The following NEXMIF variants were observed in gnomAD, a reference collection of about 807,000 sequenced individuals.
The protein encoded by NEXMIF is neurite extension and migration factor, also known as XLMR protein related to neurite extension.
Under a neutral mutation model 62.1 loss-of-function variants are expected in NEXMIF, and 8 were observed. The ratio of observed to expected loss-of-function variants is 0.13; its 90% CI spans 0.08 to 0.23. The LOEUF (loss-of-function observed/expected upper bound fraction) is 0.23, where lower values mean the gene tolerates loss of function less well. NEXMIF is among the 10% of genes least tolerant of loss of function. The probability of loss-of-function intolerance (pLI) is 1.00; values close to 1 mark genes in which losing one functional copy is unlikely to be tolerated. For missense variants in NEXMIF, 976 were observed against 1,113.3 expected (o/e 0.88, Z 1.75); for synonymous variants, 404 against 416.6 (o/e 0.97, Z 0.37).
At chrX:74,782,256 C>T (rs971794817) in intron 1 of NEXMIF, among the ~76,000 whole-genome samples, 6 of 111,742 alleles carry the variant, frequency 5.4e-5, no homozygotes, top group African/African-American at 2.0e-4. Context: ...ATCCTTATTA[C>T]CATGAAAAAG....
chrX:74,908,468 A>C (rs1324806971), intron 1 of NEXMIF, among the ~76,000 whole-genome samples: 1 of 112,566 alleles, frequency 8.9e-6, no homozygotes, highest in South Asian at 3.6e-4. Flanking sequence ...GTGAAAATCA[A>C]AGGGAAGAGA....
chrX:74,899,468 TTC>T (rs1236670872), intron 1 of NEXMIF, among the ~76,000 whole-genome samples: 1 of 111,645 alleles, frequency 9.0e-6, no homozygotes, highest in East Asian at 2.8e-4. Context: ...AAGAAAACAA[TTC>T]TGTTTATGAT....
At chrX:74,790,717 T>C (rs1472429770) in intron 1 of NEXMIF, among the ~76,000 whole-genome samples, 2 of 113,596 alleles carry the variant, frequency 1.8e-5, no homozygotes, top group African/African-American at 3.2e-5. Context: ...GATTCCTAGG[T>C]ATTTTATTCT....
At chrX:74,856,393 A>T (rs1602252536) in intron 1 of NEXMIF, among the ~76,000 whole-genome samples, 1 of 112,148 alleles carries the variant, frequency 8.9e-6, no homozygotes, top group Non-Finnish European at 1.9e-5. Context: ...GAACACAGAC[A>T]ATGAAGAAAA....
intron 1 of NEXMIF, among the ~76,000 whole-genome samples, chrX:74,807,067 A>G (rs1245642112): frequency 8.9e-6 from 1 of 112,477 alleles, no homozygotes; most frequent in Non-Finnish European, 1.9e-5. Context: ...TACTTTGTTG[A>G]TATCCACAAA....
intron 1 of NEXMIF, among the ~76,000 whole-genome samples, chrX:74,892,477 T>C (rs2147365944): frequency 8.9e-6 from 1 of 112,186 alleles, no homozygotes; most frequent in African/African-American, 3.2e-5. Flanking sequence ...CGTATTTTTA[T>C]ACCCGTAAAC....
chrX:74,747,802 G>A (rs2080130314), intron 1 of NEXMIF, among the ~76,000 whole-genome samples: 1 of 111,369 alleles, frequency 9.0e-6, no homozygotes, highest in Non-Finnish European at 1.9e-5. Context: ...TTTTAGTAGA[G>A]ATGGGATTTC....
chrX:74,821,297 G>A lies in NEXMIF; in HGVS notation c.-47-75600C>T, dbSNP rs1267535994. On this transcript the variant is annotated intron_variant, in intron 1 of 3. Coordinates refer to ENST00000055682, the MANE Select transcript of NEXMIF (RefSeq NM_001008537.3). ...AAAGTAAAGAACATTTCAATTATTT[G>A]TTATACTCACCTTGACTCCTGTTCT... Among the ~76,000 whole-genome samples, 3 of 110,519 alleles carry A rather than the reference G, an allele frequency of 2.7e-5. No individual in the cohort carries two copies. In the Admixed American group the frequency reaches 2.9e-4, roughly 11 times the overall value.
intron 1 of NEXMIF, among the ~76,000 whole-genome samples, chrX:74,758,460 T>C (rs892117475): frequency 9.0e-6 from 1 of 111,694 alleles, no homozygotes; most frequent in Non-Finnish European, 1.9e-5. Flanking sequence ...AAATTTGTTA[T>C]ATAGGTCATA....
intron 1 of NEXMIF, among the ~76,000 whole-genome samples, chrX:74,813,786 A>G (rs2080367728): frequency 1.8e-5 from 2 of 112,223 alleles, no homozygotes; most frequent in Admixed American, 9.5e-5. Context: ...GTACTCATGT[A>G]GTATATATTA....
Position 74,740,604 on chromosome X carries a change from T to C in NEXMIF, c.3953A>G (p.Tyr1318Cys), listed in dbSNP as rs1303898612. Residue 1318 changes from tyrosine to cysteine, a missense_variant, in exon 3 of 4, where the codon TAT becomes TGT. Physicochemically the swap from Tyr to Cys is radical, Grantham distance 194 (BLOSUM62 -2). Coordinates refer to ENST00000055682, the MANE Select transcript of NEXMIF (RefSeq NM_001008537.3). ...ACCAGAGGCAATGTTGGACAAGATA[T>C]AGGAAGGCTCCTGAAATTCCCGTTG... ...DDQREFQEPS[Y>C]ILSNIASGMA... 2.5e-6 allele frequency: 3 copies of C among 1,210,513 alleles called. No homozygotes were observed. The highest frequency in any genetic ancestry group is 3.4e-6 in the Non-Finnish European group (3 of 895,310).
At chrX:74,831,985 T>G (rs2080439289) in intron 1 of NEXMIF, among the ~76,000 whole-genome samples, 1 of 112,497 alleles carries the variant, frequency 8.9e-6, no homozygotes, top group Non-Finnish European at 1.9e-5. Flanking sequence ...TGAATGATCA[T>G]ACTAATGTAT....
chrX:74,872,923 ATTT>A (rs1323183912), intron 1 of NEXMIF, among the ~76,000 whole-genome samples: 7 of 108,516 alleles, frequency 6.5e-5, no homozygotes, highest in Non-Finnish European at 9.6e-5. Flanking sequence ...GCAATGCCTT[ATTT>A]TTTTATTTTT....
intron 1 of NEXMIF, among the ~76,000 whole-genome samples, chrX:74,886,777 T>A (rs1200202916): frequency 1.8e-5 from 2 of 108,674 alleles, no homozygotes; most frequent in African/African-American, 7.0e-5. Flanking sequence ...AATGACTTTC[T>A]TCACAGAATT....
chrX:74,894,411 A>G (rs986928494), intron 1 of NEXMIF, among the ~76,000 whole-genome samples: 18 of 112,354 alleles, frequency 1.6e-4, no homozygotes, highest in Admixed American at 4.7e-4. Context: ...AGTAGCTACT[A>G]TAAGCAACTA....
intron 1 of NEXMIF, among the ~76,000 whole-genome samples, chrX:74,915,522 T>G (rs2080803641): frequency 8.9e-6 from 1 of 111,804 alleles, no homozygotes; most frequent in African/African-American, 3.3e-5. Context: ...CTAGAACCTG[T>G]GAATATGTTA....
chrX:74,862,065 G>T (rs2080559599), intron 1 of NEXMIF, among the ~76,000 whole-genome samples: 1 of 110,991 alleles, frequency 9.0e-6, no homozygotes, highest in Non-Finnish European at 1.9e-5. Flanking sequence ...GGGTAGTCAA[G>T]ACCCATTGCT....
chrX:74,816,808 G>C (rs1375555381), intron 1 of NEXMIF, among the ~76,000 whole-genome samples: 1 of 111,946 alleles, frequency 8.9e-6, no homozygotes, highest in Admixed American at 9.5e-5. Flanking sequence ...TTCTTCAGCA[G>C]TTGAGGACTT....
chrX:74,796,878 C>G (rs1183322261), intron 1 of NEXMIF, among the ~76,000 whole-genome samples: 2 of 111,656 alleles, frequency 1.8e-5, no homozygotes, highest in African/African-American at 6.5e-5. Flanking sequence ...GTGGGCTGGA[C>G]TTACTTCCAA....
Sources: allele counts gnomAD v4.1 joint callset (sites outside exome capture counted in the v4.1 genomes callset), GRCh38; gene constraint gnomAD v4.1.1; transcripts MANE v1.5; gene names NCBI Gene and HGNC (gene_info 2026-07-23, HGNC 2026-07-21).